Variants in ZBTB7B observed in about 807,000 individuals in gnomAD.
The protein encoded by ZBTB7B is zinc finger and BTB domain-containing protein 7B.
A neutral mutation model predicts 31.0 loss-of-function variants in ZBTB7B; 8 were observed. That is an observed-to-expected ratio of 0.26 (90% CI 0.15 to 0.47). The LOEUF (loss-of-function observed/expected upper bound fraction) is 0.47, where lower values mean the gene tolerates loss of function less well. Among genes scored for constraint, ZBTB7B ranks in the 20% least tolerant of loss-of-function variants. The pLI, the probability that ZBTB7B is intolerant of heterozygous loss-of-function variation, is 0.99. For missense variants in ZBTB7B, 494 were observed against 742.4 expected, an observed-to-expected ratio of 0.67 and a Z score of 3.89; for synonymous variants, 261 against 307.3, an observed-to-expected ratio of 0.85 and a Z score of 1.58.
chr1:155,012,557 G>A (rs1441339192), intron 1 of ZBTB7B, among the ~76,000 whole-genome samples: 1 of 152,118 alleles, frequency 6.6e-6, no homozygotes, highest in Non-Finnish European at 1.5e-5. Flanking sequence ...AGCAGGGAGA[G>A]CTCCCAGATG....
At chr1:155,014,127 G>A in intron 1 of ZBTB7B, 1 of 973,648 alleles carries the variant, frequency 1.0e-6, no homozygotes, top group South Asian at 4.7e-5. Context: ...CCTCTCCCCA[G>A]GTTATGAGGA....
rs946201026 is a variant in ZBTB7B, at chr1:155,004,229, G to A, written c.-7+1286G>A. Among the ~76,000 whole-genome samples, 11 of 152,184 alleles carry A rather than the reference G, an allele frequency of 7.2e-5. No individual in the cohort carries two copies. Among genetic ancestry groups the A allele is most frequent in the African/African-American group, 2.7e-4 (11 of 41,452 alleles). On this transcript the variant is annotated intron_variant, in intron 1 of 2. Transcript: ENST00000535420. The surrounding 1 kb of genome is among the most constrained non-coding windows in gnomAD (Gnocchi z 4.0). Reference sequence around the variant, plus strand: ...CAGGCTGTCCAGGCTTCCGGGCCAGGTGGAGGGTGTTCTTGAATTGACCCC... The same window carrying A: ...CAGGCTGTCCAGGCTTCCGGGCCAGATGGAGGGTGTTCTTGAATTGACCCC...
chr1:155,009,967 G>A (rs1362746656), intron 1 of ZBTB7B, among the ~76,000 whole-genome samples: 1 of 152,042 alleles, frequency 6.6e-6, no homozygotes, highest in African/African-American at 2.4e-5. Flanking sequence ...AGTTCAGGGA[G>A]GGCTGAAGGA....
At chr1:155,011,038 A>T (rs944957728) in intron 1 of ZBTB7B, 5 of 1,519,932 alleles carry the variant, frequency 3.3e-6, no homozygotes, top group Middle Eastern at 2.1e-4. Context: ...GAACCTGGGG[A>T]GGGGGGGCTC....
chr1:155,010,849 A>C, intron 1 of ZBTB7B: 1 of 1,287,038 alleles, frequency 7.8e-7, no homozygotes, highest in Non-Finnish European at 1.1e-6. Context: ...AGTAAGGGGG[A>C]GGGGTGGCCA....
chr1:155,007,243 G>A (rs1658612173), intron 1 of ZBTB7B, among the ~76,000 whole-genome samples: 1 of 152,176 alleles, frequency 6.6e-6, no homozygotes, highest in Non-Finnish European at 1.5e-5. Flanking sequence ...CCCAAAAGAT[G>A]CCCACACCCT....
rs1333411684 is a variant in ZBTB7B at position 155,004,770 on chromosome 1, C to A, written c.-7+1827C>A. On this transcript the variant is annotated intron_variant, in intron 1 of 2. Transcript: ENST00000535420. This position sits in a 1 kb window ranked among gnomAD's most constrained non-coding sequence, Gnocchi z 4.0. ...GCCCCAGGGACCCCAGCTCCCCCAG[C>A]GTGCCTCTGTTACATGGTTGCTGTG... Among the ~76,000 whole-genome samples the A allele has an allele frequency of 6.6e-6, 1 of 151,112 alleles. No individual in the cohort carries two copies. The highest frequency in any genetic ancestry group is 1.5e-5 in the Non-Finnish European group (1 of 67,700).
chr1:155,008,774 C>T (rs964447174), intron 1 of ZBTB7B, among the ~76,000 whole-genome samples: 1 of 152,154 alleles, frequency 6.6e-6, no homozygotes, highest in African/African-American at 2.4e-5. Context: ...GGTAACCCCT[C>T]CCTCCAAGCT....
rs1032488906 is a variant in ZBTB7B, at chr1:155,017,357, A to AGAGGGGCGAGGGGC, written c.*679_*680insGAGGGGCGAGGGGC. On this transcript the variant is annotated 3_prime_UTR_variant, in exon 3 of 3. Coordinates refer to ENST00000535420, the MANE Select transcript of ZBTB7B (RefSeq NM_001256455.2). The stretch of plus-strand genomic sequence containing the variant: ...TGGCTCGCCTGCCCCTGGGGGCAGT[A>AGAGGGGCGAGGGGC]GAGGGGCCCCGCCCAGCTAGGGGAG... 6.6e-6 allele frequency: 1 copy of AGAGGGGCGAGGGGC among 152,332 alleles called. No individual in the cohort carries two copies. 9.4% of individuals were successfully genotyped at this position (152,332 alleles called of 1,614,324 possible).
At chr1:155,002,068 C>T (rs1200187507), upstream of ZBTB7B, among the ~76,000 whole-genome samples, 1 of 151,740 alleles carries the variant, frequency 6.6e-6, no homozygotes, top group Non-Finnish European at 1.5e-5. Context: ...GAGAGGGAGC[C>T]CCTGTAGGGG....
Position 155,003,357 on chromosome 1 carries a change from ACC to A in ZBTB7B, c.-7+423_-7+424del, listed in dbSNP as rs10709155. Among the ~76,000 whole-genome samples the A allele has an allele frequency of 6.8e-4, 101 of 148,992 alleles. No homozygotes were observed. In the East Asian group the frequency reaches 8.3e-3, roughly 12 times the overall value. On this transcript the variant is annotated intron_variant, in intron 1 of 2. Transcript: ENST00000535420. This position sits in a 1 kb window ranked among gnomAD's most constrained non-coding sequence, Gnocchi z 5.8. Reference sequence around the variant, plus strand: ...ACGGACTCTAACTAGGACAACGCGCACCCCCCCCCCACCCCGCGCCCCCTGGC... The same window carrying A: ...ACGGACTCTAACTAGGACAACGCGCACCCCCCCCACCCCGCGCCCCCTGGC...
rs548943345 is a variant in ZBTB7B, at chr1:155,018,481, C to T, written c.*1796C>T. On this transcript the variant is annotated 3_prime_UTR_variant, in exon 3 of 3. Coordinates refer to ENST00000535420, the MANE Select transcript of ZBTB7B (RefSeq NM_001256455.2). Reference sequence around the variant, plus strand: ...TCCCCCCACCCCAACTCCCCCACCTCGGGTGTAAGCGACAGGAAGAAATAA... The same window carrying T: ...TCCCCCCACCCCAACTCCCCCACCTTGGGTGTAAGCGACAGGAAGAAATAA... The T allele has an allele frequency of 1.9e-3, 2,794 of 1,490,800 alleles. 2 individuals are homozygous for T. The highest frequency in any genetic ancestry group is 4.2e-3 in the Middle Eastern group (20 of 4,764). The allele number at this position is 1,490,800 out of a possible 1,614,324, so 92.3% of individuals were successfully genotyped here. A position where few individuals can be genotyped will look rare whatever the true frequency, so the allele number is the denominator to read the frequency against.
At position 155,017,358 on chromosome 1, in the gene ZBTB7B, G is replaced by GT. The variant is rs1558093774; in HGVS notation, c.*673_*674insT. On this transcript the variant is annotated 3_prime_UTR_variant, in exon 3 of 3. Transcript: ENST00000535420. ...GGCTCGCCTGCCCCTGGGGGCAGTAGAGGGGCCCCGCCCAGCTAGGGGAGC... is the reference window on the plus strand; with the variant it reads ...GGCTCGCCTGCCCCTGGGGGCAGTAGTAGGGGCCCCGCCCAGCTAGGGGAGC... 6.6e-6 allele frequency: 1 copy of GT among 151,914 alleles called. No homozygotes were observed. Among genetic ancestry groups the GT allele is most frequent in the Non-Finnish European group, 1.5e-5 (1 of 67,882 alleles). The allele number at this position is 151,914 out of a possible 1,614,324, so 9.4% of individuals were successfully genotyped here.
intron 1 of ZBTB7B, among the ~76,000 whole-genome samples, chr1:155,006,046 C>A (rs1489246344): frequency 1.3e-5 from 2 of 152,206 alleles, no homozygotes; most frequent in Non-Finnish European, 2.9e-5. Flanking sequence ...TGTCCCAGAG[C>A]CCTGGGGAGC....
At chr1:155,015,961 C>A in intron 2 of ZBTB7B, 147 bp downstream of exon 2, 2 of 1,085,470 alleles carry the variant, frequency 1.8e-6, no homozygotes, top group Non-Finnish European at 2.6e-6. Flanking sequence ...GTGAGGAGAG[C>A]AGAAGAAAAC....
intron 1 of ZBTB7B, among the ~76,000 whole-genome samples, chr1:155,005,612 C>T (rs928845015): frequency 1.3e-5 from 2 of 152,242 alleles, no homozygotes; most frequent in Non-Finnish European, 2.9e-5. Flanking sequence ...GCCTCTGCCC[C>T]GCTTGGCTCC....
At chr1:155,012,614 C>A (rs920117070) in intron 1 of ZBTB7B, among the ~76,000 whole-genome samples, 2 of 151,900 alleles carry the variant, frequency 1.3e-5, no homozygotes, top group African/African-American at 4.8e-5. Flanking sequence ...ACGGTGGGAA[C>A]AGGTGAGCTA....
chr1:155,011,553 G>C (rs1658983285), intron 1 of ZBTB7B, among the ~76,000 whole-genome samples: 1 of 152,204 alleles, frequency 6.6e-6, no homozygotes, highest in South Asian at 2.1e-4. Flanking sequence ...GGGAGCCTGG[G>C]GGGGTGGCGG....
rs1658425676 is a variant in ZBTB7B at position 155,004,252 on chromosome 1, C to T, written c.-7+1309C>T. 6.6e-6 allele frequency among the ~76,000 whole-genome samples: 1 copy of T among 152,122 alleles called. No individual in the cohort carries two copies. The highest frequency in any genetic ancestry group is 1.5e-5 in the Non-Finnish European group (1 of 68,004). On this transcript the variant is annotated intron_variant, in intron 1 of 2. Coordinates refer to ENST00000535420, the MANE Select transcript of ZBTB7B (RefSeq NM_001256455.2). The surrounding 1 kb of genome is among the most constrained non-coding windows in gnomAD (Gnocchi z 4.0). ...AGGTGGAGGGTGTTCTTGAATTGAC[C>T]CCCGCCCGAATGCCTTGGAGACCCC...
Sources: allele counts gnomAD v4.1 joint callset (sites outside exome capture counted in the v4.1 genomes callset), GRCh38; gene constraint gnomAD v4.1.1; non-coding constraint Gnocchi (gnomAD v3.1); transcripts MANE v1.5; gene names NCBI Gene and HGNC (gene_info 2026-07-23, HGNC 2026-07-21).